BCLAF1: variants seen among roughly 807,000 people sequenced by gnomAD.
BCLAF1 encodes the protein bcl-2-associated transcription factor 1.
BCLAF1 carries 10 observed loss-of-function variants against 99.5 expected under a neutral mutation model. The observed-to-expected ratio is 0.10, with a 90% CI of 0.06 to 0.17. The LOEUF (loss-of-function observed/expected upper bound fraction) is 0.17. BCLAF1 is among the 10% of genes least tolerant of loss of function. The pLI, the probability that BCLAF1 is intolerant of heterozygous loss-of-function variation, is 1.00. For missense variants in BCLAF1, 636 were observed against 1,105.8 expected, an observed-to-expected ratio of 0.58 and a Z score of 6.02; for synonymous variants, 255 against 370.9, an observed-to-expected ratio of 0.69 and a Z score of 3.59.
intron 1 of BCLAF1, among the ~76,000 whole-genome samples, chr6:136,288,760 G>C (rs1486603431): frequency 6.6e-6 from 1 of 152,230 alleles, no homozygotes; most frequent in Non-Finnish European, 1.5e-5. Context: ...GCCAACTCAT[G>C]AATTTAAAAT....
chr6:136,257,054 T>C lies in BCLAF1; in HGVS notation c.*4056A>G, dbSNP rs140173741. Reference sequence around the variant, plus strand: ...CTCATTATTAATGAAATCTGGAAGCTGGCCAACCCCAAAAGATTAAGAAAA... The same window carrying C: ...CTCATTATTAATGAAATCTGGAAGCCGGCCAACCCCAAAAGATTAAGAAAA... On this transcript the variant is annotated 3_prime_UTR_variant, in exon 13 of 13. Coordinates refer to ENST00000531224, the MANE Select transcript of BCLAF1 (RefSeq NM_014739.3). The C allele has an allele frequency of 2.0e-5, 3 of 152,338 alleles. No homozygotes were observed. The highest frequency in any genetic ancestry group is 3.9e-4 in the East Asian group (2 of 5,190). 9.4% of individuals were successfully genotyped at this position (152,338 alleles called of 1,614,324 possible). A position where few individuals can be genotyped will look rare whatever the true frequency, so the allele number is the denominator to read the frequency against.
chr6:136,279,802 C>A lies in BCLAF1; in HGVS notation c.65G>T (p.Arg22Leu). The change falls in exon 3 of 13, where the codon CGA becomes CTA. Residue 22 changes from arginine to leucine, a missense_variant. Physicochemically the swap from Arg to Leu is moderately radical, Grantham distance 102 (BLOSUM62 -2). Around this residue, in one of 9 missense-constraint regions of BCLAF1, gnomAD observed 81 missense variants for 132.5 expected, o/e 0.61. Coordinates refer to ENST00000531224, the MANE Select transcript of BCLAF1 (RefSeq NM_014739.3). ...TCTAGAATGAGATCTTGATCTTGAT[C>A]GAGAACTAGACTGTGATCTAGACTT... Reference protein sequence around the residue: ...RSKSRSQSSSRSRSRSHSRKK... With the variant: ...RSKSRSQSSSLSRSRSHSRKK... 6.3e-7 allele frequency: 1 copy of A among 1,577,500 alleles called. No homozygotes were observed. The highest frequency in any genetic ancestry group is 1.2e-5 in the South Asian group (1 of 82,604).
In BCLAF1 at chr6:136,279,753, A is replaced by G. The variant is rs1247279119; in HGVS notation, c.104+10T>C. 6.4e-7 allele frequency: 1 copy of G among 1,552,672 alleles called. No homozygotes were observed. The highest frequency in any genetic ancestry group is 2.3e-5 in the East Asian group (1 of 43,698). The stretch of plus-strand genomic sequence containing the variant: ...TAATTATTTTAAAAATTTAAAGCAC[A>G]TTAAATCACCTGTATCGCTTCTTTC... On this transcript the variant is annotated intron_variant, in intron 3 of 12. Coordinates refer to ENST00000531224, the MANE Select transcript of BCLAF1 (RefSeq NM_014739.3).
Position 136,261,372 on chromosome 6 carries a change from T to A in BCLAF1, c.2650A>T (p.Ser884Cys), listed in dbSNP as rs144600816. Residue 884 changes from serine to cysteine, a missense_variant, in exon 12 of 13, where the codon AGT becomes TGT. This residue lies in a region of BCLAF1 where 57 missense variants were observed against 116.7 expected (regional missense o/e 0.49). Coordinates refer to ENST00000531224, the MANE Select transcript of BCLAF1 (RefSeq NM_014739.3). ...TATTTGTCATGAGTCCATTTAGGAC[T>A]GCTACCTGATTTTTTGAAGTTAAAG... ...GRFNFKKSGSSPKWTHDKYQG... is the reference protein window; with the variant it reads ...GRFNFKKSGSCPKWTHDKYQG... The A allele has an allele frequency of 6.2e-7, 1 of 1,613,628 alleles. No individual in the cohort carries two copies. Among genetic ancestry groups the A allele is most frequent in the African/African-American group, 1.3e-5 (1 of 75,036 alleles).
chr6:136,282,055 C>T (rs1784451068), intron 2 of BCLAF1, among the ~76,000 whole-genome samples: 1 of 152,166 alleles, frequency 6.6e-6, no homozygotes, highest in Non-Finnish European at 1.5e-5. Context: ...AGGGAAAAAG[C>T]TAAGAACATG....
intron 6 of BCLAF1, chr6:136,274,297 C>CT (rs1240463827): frequency 1.0e-4 from 10 of 99,672 alleles, no homozygotes; most frequent in Admixed American, 4.3e-4. Context: ...TACTACAGTT[C>CT]TTTTAAAAAA....
At chr6:136,268,921 C>T (rs375314030) in intron 9 of BCLAF1, among the ~76,000 whole-genome samples, 1 of 151,872 alleles carries the variant, frequency 6.6e-6, no homozygotes, top group East Asian at 1.9e-4. Flanking sequence ...TGATTTAATG[C>T]AACACCCGAA....
chr6:136,277,802 T>G, intron 4 of BCLAF1, 63 bp downstream of exon 4: 1 of 1,517,088 alleles, frequency 6.6e-7, no homozygotes, highest in Non-Finnish European at 8.8e-7. Flanking sequence ...CGTTTATAAT[T>G]CCAAACAGAA....
chr6:136,282,923 G>T (rs991212390), intron 1 of BCLAF1, among the ~76,000 whole-genome samples: 3 of 151,896 alleles, frequency 2.0e-5, no homozygotes, highest in Non-Finnish European at 4.4e-5. Flanking sequence ...TTAACTACTT[G>T]AATTCTAATT....
intron 11 of BCLAF1, among the ~76,000 whole-genome samples, chr6:136,264,345 T>C (rs1227981171): frequency 6.6e-6 from 1 of 152,116 alleles, no homozygotes; most frequent in Non-Finnish European, 1.5e-5. Context: ...TAGTTGGGAC[T>C]ACAGGCACGC....
intron 1 of BCLAF1, among the ~76,000 whole-genome samples, chr6:136,283,738 G>T (rs1280910249): frequency 6.6e-6 from 1 of 152,136 alleles, no homozygotes; most frequent in African/African-American, 2.4e-5. Flanking sequence ...CATTAAACTG[G>T]TGAATCAAGA....
At position 136,260,861 on chromosome 6, in the gene BCLAF1, G is replaced by A. The variant is rs951333293; in HGVS notation, c.*249C>T. ...GAATTACAATGCATGTAACAAAAACGTTAAAAGTTTTAAAAGTTGATAGTT... is the reference window on the plus strand; with the variant it reads ...GAATTACAATGCATGTAACAAAAACATTAAAAGTTTTAAAAGTTGATAGTT... On this transcript the variant is annotated 3_prime_UTR_variant, in exon 13 of 13. Transcript: ENST00000531224. The A allele has an allele frequency of 8.3e-6, 4 of 479,788 alleles. No homozygotes were observed. Among genetic ancestry groups the A allele is most frequent in the Non-Finnish European group, 1.5e-5 (4 of 270,120 alleles). 29.7% of individuals were successfully genotyped at this position (479,788 alleles called of 1,614,324 possible).
At position 136,261,355 on chromosome 6, in the gene BCLAF1, A is replaced by G. The variant is rs77042383; in HGVS notation, c.2667T>C (p.His889=). 2.5e-6 allele frequency: 4 copies of G among 1,613,798 alleles called. No individual in the cohort carries two copies. The highest frequency in any genetic ancestry group is 2.7e-5 in the African/African-American group (2 of 74,876). The change falls in exon 12 of 13, where the codon CAT becomes CAC. Residue 889 remains histidine (H), a synonymous_variant. Coordinates refer to ENST00000531224, the MANE Select transcript of BCLAF1 (RefSeq NM_014739.3). ...CAATCCCATCCCCTTGGTATTTGTC[A>G]TGAGTCCATTTAGGACTGCTACCTG... ...KKSGSSPKWT[H]DKYQGDGIVE...
At chr6:136,274,038 CA>C in intron 6 of BCLAF1, 2 of 1,286,232 alleles carry the variant, frequency 1.6e-6, no homozygotes, top group Non-Finnish European at 1.0e-6. Flanking sequence ...GTGCCTCAAT[CA>C]TAATTCCATG....
intron 6 of BCLAF1, among the ~76,000 whole-genome samples, chr6:136,274,628 T>G (rs983105809): frequency 1.3e-5 from 2 of 152,006 alleles, no homozygotes; most frequent in African/African-American, 4.8e-5. Context: ...GCTGTTCTCA[T>G]GTCAAACGAC....
In BCLAF1 at chr6:136,279,832, C is replaced by T; in HGVS notation, c.35G>A (p.Arg12Lys). The part of the protein sequence containing the change: ...GRSNSRSHSS[R>K]SKSRSQSSSR... ...ACTAGACTGTGATCTAGACTTTGACCTTGAAGAATGTGATCTAGAATTGGA... is the reference window on the plus strand; with the variant it reads ...ACTAGACTGTGATCTAGACTTTGACTTTGAAGAATGTGATCTAGAATTGGA... Residue 12 changes from arginine (R) to lysine (K), a missense_variant, in exon 3 of 13, where the codon AGG becomes AAG. Physicochemically the swap from Arg to Lys is conservative, Grantham distance 26. Around this residue, in one of 9 missense-constraint regions of BCLAF1, gnomAD observed 81 missense variants for 132.5 expected, o/e 0.61. Transcript: ENST00000531224. The T allele has an allele frequency of 6.4e-7, 1 of 1,564,748 alleles. No homozygotes were observed. The highest frequency in any genetic ancestry group is 8.7e-7 in the Non-Finnish European group (1 of 1,153,552).
At chr6:136,266,922 T>C in intron 11 of BCLAF1, 107 bp downstream of exon 11, 1 of 1,364,488 alleles carries the variant, frequency 7.3e-7, no homozygotes, top group Non-Finnish European at 1.0e-6. Context: ...GTTTCCCACA[T>C]AACGGTGAAT....
intron 9 of BCLAF1, 24 bp from the exon 10 acceptor site, chr6:136,268,363 AT>A: frequency 1.3e-6 from 2 of 1,568,856 alleles, no homozygotes; most frequent in Non-Finnish European, 1.7e-6. Context: ...AAAACAAAAA[AT>A]GTGATACTTT....
rs201061168 is a variant in BCLAF1, at chr6:136,275,904, C to T, written c.1621G>A (p.Asp541Asn). ...AGTTTGACTTCAGGACGGTGAGAAT[C>T]ACTCGCTATCATTTTGATCCTAAGT... The part of the protein sequence containing the change: ...SPLRIKMIAS[D>N]SHRPEVKLKM... Residue 541 changes from aspartate to asparagine, a missense_variant, in exon 5 of 13, where the codon GAT (aspartate) becomes AAT (asparagine). Physicochemically the swap from Asp to Asn is conservative, Grantham distance 23 (BLOSUM62 1). Coordinates refer to ENST00000531224, the MANE Select transcript of BCLAF1 (RefSeq NM_014739.3). 275 of 1,612,102 alleles carry T rather than the reference C, an allele frequency of 1.7e-4. No homozygotes were observed. Among genetic ancestry groups the T allele is most frequent in the Non-Finnish European group, 2.2e-4 (263 of 1,179,380 alleles).
Sources: allele counts gnomAD v4.1 joint callset (sites outside exome capture counted in the v4.1 genomes callset), GRCh38; gene constraint gnomAD v4.1.1; regional missense constraint gnomAD v4.1.1; transcripts MANE v1.5; gene names NCBI Gene and HGNC (gene_info 2026-07-23, HGNC 2026-07-21).